Variants in ADAMTS18 observed in about 807,000 individuals in gnomAD.
ADAMTS18 encodes ADAM metallopeptidase with thrombospondin type 1 motif 18.
Under a neutral mutation model 165.9 loss-of-function variants are expected in ADAMTS18, and 157 were observed. That is an observed-to-expected ratio of 0.95 (90% CI 0.83 to 1.08). The LOEUF (loss-of-function observed/expected upper bound fraction) is 1.08, where lower values mean the gene tolerates loss of function less well. ADAMTS18 is among the 50% of genes least tolerant of loss of function. The pLI is 0.00. For synonymous variants in ADAMTS18, 782 were observed against 578.2 expected (o/e 1.35, Z -5.06); for missense variants, 2,040 against 1,534.0 (o/e 1.33, Z -5.51).
chr16:77,359,477 T>A, intron 7 of ADAMTS18, 54 bp from the exon 8 acceptor site: 5 of 1,445,106 alleles, frequency 3.5e-6, no homozygotes, highest in Non-Finnish European at 4.8e-6. Context: ...CACAGATACA[T>A]GATGATGATT....
At chr16:77,419,463 G>A (rs867646280) in intron 3 of ADAMTS18, among the ~76,000 whole-genome samples, 2 of 152,130 alleles carry the variant, frequency 1.3e-5, no homozygotes, top group South Asian at 4.1e-4. Flanking sequence ...CCACAATGGA[G>A]AATTTCTCAT....
At chr16:77,428,047 C>T (rs1191299429) in intron 3 of ADAMTS18, among the ~76,000 whole-genome samples, 4 of 152,198 alleles carry the variant, frequency 2.6e-5, no homozygotes, top group Non-Finnish European at 4.4e-5. Context: ...AAGGTGACAT[C>T]GCTTTCCTAA....
At chr16:77,284,946 C>G (rs2055219598) in intron 22 of ADAMTS18, among the ~76,000 whole-genome samples, 1 of 152,054 alleles carries the variant, frequency 6.6e-6, no homozygotes, top group South Asian at 2.1e-4. Context: ...AAAGCCGGGT[C>G]TCCAACAGTC....
intron 3 of ADAMTS18, among the ~76,000 whole-genome samples, chr16:77,400,814 C>T (rs1449745476): frequency 6.6e-6 from 1 of 151,966 alleles, no homozygotes; most frequent in African/African-American, 2.4e-5. Context: ...ACTCACAGTG[C>T]CCTCAGAAGA....
rs760728852 is a variant in ADAMTS18 at position 77,370,561 on chromosome 16, C to T, written c.496-2838G>A. On this transcript the variant is annotated intron_variant, in intron 3 of 22. Coordinates refer to ENST00000282849, the MANE Select transcript of ADAMTS18 (RefSeq NM_199355.4). ...GGTCAGGAGTCTGAGACCAGCCTGG[C>T]CAACATGGTGAAACCATGTCTCTAC... Among the ~76,000 whole-genome samples the T allele has an allele frequency of 6.1e-4, 93 of 152,130 alleles. No individual in the cohort carries two copies. In the Middle Eastern group the frequency reaches 0.01, roughly 17 times the overall value.
At chr16:77,394,594 A>G (rs1315824768) in intron 3 of ADAMTS18, among the ~76,000 whole-genome samples, 1 of 152,212 alleles carries the variant, frequency 6.6e-6, no homozygotes, top group Non-Finnish European at 1.5e-5. Context: ...AGGAGGGTGG[A>G]AATCTATTAC....
intron 11 of ADAMTS18, 125 bp from the exon 12 acceptor site, chr16:77,336,029 C>G: frequency 8.7e-7 from 1 of 1,142,860 alleles, no homozygotes; most frequent in South Asian, 1.2e-5. Context: ...TGCCTGATAC[C>G]TTGATAAATT....
intron 3 of ADAMTS18, among the ~76,000 whole-genome samples, chr16:77,416,305 G>C (rs565082647): frequency 7.2e-5 from 11 of 152,162 alleles, no homozygotes; most frequent in Non-Finnish European, 1.3e-4. Context: ...GAAGAGATAG[G>C]AAGTTAGATC....
At chr16:77,429,089 G>C (rs753396233) in intron 3 of ADAMTS18, among the ~76,000 whole-genome samples, 9 of 152,126 alleles carry the variant, frequency 5.9e-5, no homozygotes, top group African/African-American at 2.2e-4. Context: ...CCCAGTACTA[G>C]GTATGAGAAG....
chr16:77,405,726 T>C (rs1356084793), intron 3 of ADAMTS18, among the ~76,000 whole-genome samples: 1 of 147,358 alleles, frequency 6.8e-6, no homozygotes, highest in Non-Finnish European at 1.5e-5. Context: ...TGGTTCCTGA[T>C]GAGGGCTGAC....
At chr16:77,379,450 C>G (rs1270187015) in intron 3 of ADAMTS18, among the ~76,000 whole-genome samples, 1 of 152,074 alleles carries the variant, frequency 6.6e-6, no homozygotes, top group African/African-American at 2.4e-5. Flanking sequence ...TGACCATGGA[C>G]TAGAGGTGTC....
chr16:77,356,499 T>C (rs1294579957), intron 8 of ADAMTS18, among the ~76,000 whole-genome samples: 3 of 152,176 alleles, frequency 2.0e-5, no homozygotes, highest in African/African-American at 4.8e-5. Context: ...AGAGAGATGA[T>C]GATTATAAGT....
At chr16:77,385,946 T>C (rs1362836088) in intron 3 of ADAMTS18, among the ~76,000 whole-genome samples, 1 of 152,196 alleles carries the variant, frequency 6.6e-6, no homozygotes, top group African/African-American at 2.4e-5. Flanking sequence ...AGGAAGGAAA[T>C]GGGATCTGGG....
At chr16:77,403,672 A>C (rs988080340) in intron 3 of ADAMTS18, among the ~76,000 whole-genome samples, 1 of 152,180 alleles carries the variant, frequency 6.6e-6, no homozygotes, top group African/African-American at 2.4e-5. Context: ...CCAGTTTACT[A>C]TCTGTTAGGG....
chr16:77,380,051 G>C (rs767550643), intron 3 of ADAMTS18, among the ~76,000 whole-genome samples: 2 of 152,266 alleles, frequency 1.3e-5, no homozygotes, highest in South Asian at 2.1e-4. Context: ...TCTTGCTGCC[G>C]AGGTCCTCAG....
intron 10 of ADAMTS18, among the ~76,000 whole-genome samples, chr16:77,348,198 G>A (rs1410274057): frequency 6.6e-6 from 1 of 151,962 alleles, no homozygotes; most frequent in East Asian, 1.9e-4. Context: ...ATTCAGGGGG[G>A]ACAATAAATA....
At position 77,435,019 on chromosome 16, in the gene ADAMTS18, G is replaced by A. The variant is rs1018407685; in HGVS notation, c.-324C>T. 8 of 218,934 alleles carry A rather than the reference G, an allele frequency of 3.7e-5. No individual in the cohort carries two copies. The highest frequency in any genetic ancestry group is 1.8e-4 in the African/African-American group (8 of 43,648). 13.6% of individuals were successfully genotyped at this position (218,934 alleles called of 1,614,324 possible). A position where few individuals can be genotyped will look rare whatever the true frequency, so the allele number is the denominator to read the frequency against. On this transcript the variant is annotated 5_prime_UTR_variant, in exon 1 of 23. Coordinates refer to ENST00000282849, the MANE Select transcript of ADAMTS18 (RefSeq NM_199355.4). ...CCCGCCCGTCTGTGCGTCTGTCTGT[G>A]TCGGTGTGAGCGTCTGAGGCGATGG...
intron 3 of ADAMTS18, among the ~76,000 whole-genome samples, chr16:77,411,789 C>T (rs1024454611): frequency 2.0e-5 from 3 of 148,102 alleles, no homozygotes; most frequent in Admixed American, 6.9e-5. Context: ...CAGGCTCAAG[C>T]GATTCTCCTG....
chr16:77,428,968 C>A lies in ADAMTS18; in HGVS notation c.495+2327G>T, dbSNP rs549184006. ...AAATGCATATACAAGAATGTTCAGT[C>A]ATAACAGCCCCAAACTGCTGGTGGG... On this transcript the variant is annotated intron_variant, in intron 3 of 22. Coordinates refer to ENST00000282849, the MANE Select transcript of ADAMTS18 (RefSeq NM_199355.4). 2.0e-5 allele frequency among the ~76,000 whole-genome samples: 3 copies of A among 152,244 alleles called. No homozygotes were observed. The East Asian group carries it at 5.8e-4, about 29-fold the overall frequency.
Sources: allele counts gnomAD v4.1 joint callset (sites outside exome capture counted in the v4.1 genomes callset), GRCh38; gene constraint gnomAD v4.1.1; transcripts MANE v1.5; gene names NCBI Gene and HGNC (gene_info 2026-07-23, HGNC 2026-07-21).